TNS3: variants seen among roughly 807,000 people sequenced by gnomAD.
TNS3 encodes tensin 3.
In TNS3, 45 loss-of-function variants were observed where a neutral mutation model predicts 140.9. The observed-to-expected ratio is 0.32, with a 90% confidence interval of 0.25 to 0.41. The LOEUF (loss-of-function observed/expected upper bound fraction) is 0.41, where lower values mean the gene tolerates loss of function less well. TNS3 is among the 10% of genes least tolerant of loss of function. The pLI is 1.00. For synonymous variants in TNS3, 815 were observed against 788.4 expected, an observed-to-expected ratio of 1.03 and a Z score of -0.56; for missense variants, 1,716 against 1,906.7, an observed-to-expected ratio of 0.90 and a Z score of 1.86.
At chr7:47,487,287 C>T (rs1430260924) in intron 3 of TNS3, among the ~76,000 whole-genome samples, 3 of 117,582 alleles carry the variant, frequency 2.6e-5, no homozygotes, top group African/African-American at 5.9e-5. Flanking sequence ...AGCAAGACTC[C>T]GTCTCAAAAG....
intron 2 of TNS3, among the ~76,000 whole-genome samples, chr7:47,523,535 T>C (rs941042130): frequency 6.6e-6 from 1 of 152,164 alleles, no homozygotes; most frequent in Non-Finnish European, 1.5e-5. Flanking sequence ...TCAGAATGCC[T>C]CTGCCTCCAA....
intron 1 of TNS3, among the ~76,000 whole-genome samples, chr7:47,531,760 G>A (rs772778514): frequency 2.0e-4 from 30 of 152,358 alleles, no homozygotes; most frequent in Non-Finnish European, 3.7e-4. Context: ...CCATGGAGCC[G>A]GTGGGAGCTC....
chr7:47,303,595 G>T lies in TNS3; in HGVS notation c.2823-11C>A, dbSNP rs773000762. 40 of 1,576,078 alleles carry T rather than the reference G, an allele frequency of 2.5e-5. No individual in the cohort carries two copies. In the Admixed American group the frequency reaches 4.6e-4, roughly 18 times the overall value. On this transcript the variant is annotated splice_polypyrimidine_tract_variant and intron_variant, in intron 21 of 30. Transcript: ENST00000311160. ...TCTGCAGAAGAGGAGCTGTTCAAAAGACAAGCCGACCAAGACAGCATGTAA... is the reference window on the plus strand; with the variant it reads ...TCTGCAGAAGAGGAGCTGTTCAAAATACAAGCCGACCAAGACAGCATGTAA...
At chr7:47,412,351 G>A (rs1436667477) in intron 12 of TNS3, among the ~76,000 whole-genome samples, 1 of 152,250 alleles carries the variant, frequency 6.6e-6, no homozygotes, top group East Asian at 1.9e-4. Flanking sequence ...GCTAGACATG[G>A]CTCACGCCTG....
At chr7:47,304,762 C>T (rs1266166164) in intron 21 of TNS3, 70 bp downstream of exon 21, 3 of 1,308,006 alleles carry the variant, frequency 2.3e-6, no homozygotes, top group African/African-American at 3.0e-5. Context: ...CCCCGCTGGT[C>T]CCACATGCCT....
intron 3 of TNS3, among the ~76,000 whole-genome samples, chr7:47,487,898 G>C (rs190613078): frequency 5.3e-4 from 80 of 152,212 alleles, no homozygotes; most frequent in African/African-American, 1.9e-3. Flanking sequence ...TCTTTCCTAA[G>C]TCATAAAAAC....
intron 8 of TNS3, among the ~76,000 whole-genome samples, chr7:47,428,610 C>T (rs1254254569): frequency 1.3e-5 from 2 of 152,216 alleles, no homozygotes; most frequent in Non-Finnish European, 2.9e-5. Context: ...CTAACTGGAG[C>T]AGCTGTAGAA....
chr7:47,415,828 G>A (rs957579318), intron 10 of TNS3, among the ~76,000 whole-genome samples: 3 of 152,248 alleles, frequency 2.0e-5, no homozygotes, highest in African/African-American at 7.2e-5. Context: ...TCTAGGAGTC[G>A]GCCTCATGCT....
intron 20 of TNS3, among the ~76,000 whole-genome samples, chr7:47,331,856 C>T (rs1788360645): frequency 6.6e-6 from 1 of 152,216 alleles, no homozygotes; most frequent in Non-Finnish European, 1.5e-5. Context: ...AGAATTTAAA[C>T]AGACAACAAG....
chr7:47,379,181 G>A (rs1791598323), intron 16 of TNS3, among the ~76,000 whole-genome samples: 1 of 152,184 alleles, frequency 6.6e-6, no homozygotes, highest in African/African-American at 2.4e-5. Flanking sequence ...AAGGGTACCT[G>A]ATCCCTGGAG....
At chr7:47,518,679 A>AATTT (rs1331026930) in intron 2 of TNS3, among the ~76,000 whole-genome samples, 1 of 152,212 alleles carries the variant, frequency 6.6e-6, no homozygotes, top group Non-Finnish European at 1.5e-5. Flanking sequence ...AAGAATATAA[A>AATTT]TAAATAAGTA....
chr7:47,468,312 A>G (rs1796807103), intron 4 of TNS3, among the ~76,000 whole-genome samples: 2 of 152,154 alleles, frequency 1.3e-5, no homozygotes, highest in Admixed American at 1.3e-4. Flanking sequence ...GTGGTGGCAC[A>G]CGCATATAAT....
At chr7:47,569,241 C>A (rs1368538644) in intron 1 of TNS3, among the ~76,000 whole-genome samples, 1 of 152,190 alleles carries the variant, frequency 6.6e-6, no homozygotes, top group Non-Finnish European at 1.5e-5. Context: ...ACAAAACCTG[C>A]ATTTAAATAT....
chr7:47,436,246 A>G lies in TNS3; in HGVS notation c.202-842T>C, dbSNP rs574285539. ...TTTAGCATAATTGAGATACTATTAT[A>G]CATAAATTCTATACTCTACTATTGT... On this transcript the variant is annotated intron_variant, in intron 7 of 30. Coordinates refer to ENST00000311160, the MANE Select transcript of TNS3 (RefSeq NM_022748.12). 9.8e-5 allele frequency among the ~76,000 whole-genome samples: 15 copies of G among 152,360 alleles called. 1 individual carries two copies. The highest frequency in any genetic ancestry group is 3.4e-4 in the African/African-American group (14 of 41,582).
chr7:47,436,988 C>T (rs1033907219), intron 7 of TNS3, among the ~76,000 whole-genome samples: 2 of 152,160 alleles, frequency 1.3e-5, no homozygotes, highest in Admixed American at 6.5e-5. Flanking sequence ...TGCCAACTTC[C>T]TGACCTAGAT....
chr7:47,530,572 C>T (rs182625177), intron 1 of TNS3, among the ~76,000 whole-genome samples: 37 of 151,632 alleles, frequency 2.4e-4, no homozygotes, highest in Admixed American at 1.4e-3. Context: ...ACCTGTAATC[C>T]GAGCACTTTG....
intron 3 of TNS3, among the ~76,000 whole-genome samples, chr7:47,493,272 C>T (rs1028871660): frequency 2.6e-5 from 4 of 152,198 alleles, no homozygotes; most frequent in Non-Finnish European, 5.9e-5. Flanking sequence ...TTCATTCATT[C>T]ATTGCAGAAT....
rs997990794 is a variant in TNS3, at chr7:47,524,540, C to T, written c.-153+4496G>A. Among the ~76,000 whole-genome samples the T allele has an allele frequency of 2.1e-4, 32 of 152,006 alleles. 1 individual carries two copies. Among genetic ancestry groups the T allele is most frequent in the African/African-American group, 6.0e-4 (25 of 41,472 alleles). The stretch of plus-strand genomic sequence containing the variant: ...ATGGGAGGCCGGGCGCGGTGGCTCA[C>T]GCCTGTAATCCCAGCACTTTGGGAG... On this transcript the variant is annotated intron_variant, in intron 2 of 30. Coordinates refer to ENST00000311160, the MANE Select transcript of TNS3 (RefSeq NM_022748.12).
At chr7:47,493,164 C>T (rs1448077525) in intron 3 of TNS3, among the ~76,000 whole-genome samples, 1 of 152,222 alleles carries the variant, frequency 6.6e-6, no homozygotes, top group Non-Finnish European at 1.5e-5. Flanking sequence ...AGAGCTCTGA[C>T]AGTCAATGTT....
Sources: gnomAD v4.1 joint callset for allele counts (sites outside exome capture counted in the v4.1 genomes callset) on GRCh38, gnomAD v4.1.1 for gene constraint, MANE v1.5 for transcripts, NCBI Gene and HGNC (gene_info 2026-07-23, HGNC 2026-07-21) for gene names.